Variants in LARGE1 observed in about 807,000 individuals in gnomAD.
The protein encoded by LARGE1 is LARGE xylosyl- and glucuronyltransferase 1.
In LARGE1, 43 loss-of-function variants were observed where a neutral mutation model predicts 87.6. That is an observed-to-expected ratio of 0.49 (90% CI 0.38 to 0.63). The LOEUF is 0.63. Among genes scored for constraint, LARGE1 ranks in the 30% least tolerant of loss-of-function variants. The pLI is 0.00. For missense variants in LARGE1, 802 were observed against 1,000.2 expected, an observed-to-expected ratio of 0.80 and a Z score of 2.67; for synonymous variants, 434 against 394.6, an observed-to-expected ratio of 1.10 and a Z score of -1.18.
intron 12 of LARGE1, among the ~76,000 whole-genome samples, chr22:33,294,565 C>T (rs776958548): frequency 4.6e-5 from 7 of 152,138 alleles, no homozygotes; most frequent in Admixed American, 1.3e-4. Flanking sequence ...TTAGAAAAAC[C>T]GGCCTCCCCG....
At chr22:33,334,079 C>T (rs1348780589) in intron 10 of LARGE1, among the ~76,000 whole-genome samples, 6 of 151,078 alleles carry the variant, frequency 4.0e-5, no homozygotes, top group Non-Finnish European at 8.8e-5. Flanking sequence ...GCCGAGATCG[C>T]GGCACTGCAC....
chr22:33,355,383 T>C (rs1322440152), intron 9 of LARGE1, among the ~76,000 whole-genome samples: 3 of 152,218 alleles, frequency 2.0e-5, no homozygotes. Flanking sequence ...TCACTAAGTG[T>C]CTTCAAACCC....
chr22:33,081,435 A>G, the LARGE1 span, among the ~76,000 whole-genome samples: 1 of 152,204 alleles, frequency 6.6e-6, no homozygotes, highest in African/African-American at 2.4e-5. Context: ...ATGATAAGTA[A>G]AAGACTGAGG....
At chr22:33,245,862 T>C (rs1156231051) in intron 11 of LARGE1, among the ~76,000 whole-genome samples, 1 of 152,178 alleles carries the variant, frequency 6.6e-6, no homozygotes, top group East Asian at 1.9e-4. Context: ...TGAGCTGAGA[T>C]TGCGCCACTG....
chr22:33,697,763 AT>A (rs2082296017), intron 2 of LARGE1, among the ~76,000 whole-genome samples: 1 of 152,118 alleles, frequency 6.6e-6, no homozygotes, highest in African/African-American at 2.4e-5. Context: ...AAAGTCCCAC[AT>A]TCTATTTTGA....
At chr22:33,216,597 CA>C (rs71673655) in intron 11 of LARGE1, among the ~76,000 whole-genome samples, 343 of 122,554 alleles carry the variant, frequency 2.8e-3, no homozygotes, top group South Asian at 0.013. Flanking sequence ...CACTCCATCT[CA>C]AAAAAAAAAA....
intron 5 of LARGE1, among the ~76,000 whole-genome samples, chr22:33,598,841 C>G (rs185022548): frequency 6.6e-6 from 1 of 152,260 alleles, no homozygotes; most frequent in Non-Finnish European, 1.5e-5. Flanking sequence ...CATACATGTG[C>G]ATGTGTCTTT....
chr22:33,823,756 G>A (rs1019685757), intron 1 of LARGE1, among the ~76,000 whole-genome samples: 1 of 152,140 alleles, frequency 6.6e-6, no homozygotes, highest in African/African-American at 2.4e-5. Context: ...GCCCATTTAT[G>A]GAGAGAGCTC....
intron 1 of LARGE1, chr22:33,889,064 A>C (rs1359767503): frequency 1.3e-5 from 2 of 152,162 alleles, no homozygotes; most frequent in South Asian, 2.1e-4. Context: ...TCCCCAAAAG[A>C]AAGCATATAC....
chr22:33,334,829 C>G (rs895715646), intron 10 of LARGE1, among the ~76,000 whole-genome samples: 3 of 152,200 alleles, frequency 2.0e-5, no homozygotes, highest in Non-Finnish European at 1.5e-5. Flanking sequence ...TCTCTAAGTT[C>G]AACCCCCGTG....
In LARGE1 at chr22:33,273,365, C is replaced by T. The variant is rs1345632139; in HGVS notation, c.*1062G>A. The T allele has an allele frequency of 2.5e-6, 1 of 398,760 alleles. No individual in the cohort carries two copies. Among genetic ancestry groups the T allele is most frequent in the Non-Finnish European group, 4.4e-6 (1 of 226,088 alleles). 24.7% of individuals were successfully genotyped at this position (398,760 alleles called of 1,614,324 possible). ...CAGGCAAGAACCAGAGGAACCCAAT[C>T]ACTTTCTTCCTGTAGGTCTCCAGAT... is the stretch of plus-strand genomic sequence containing the variant. On this transcript the variant is annotated 3_prime_UTR_variant, in exon 15 of 15. Coordinates refer to ENST00000397394, the MANE Select transcript of LARGE1 (RefSeq NM_133642.5).
chr22:33,902,580 G>T (rs1340645124), intron 1 of LARGE1, among the ~76,000 whole-genome samples: 1 of 152,084 alleles, frequency 6.6e-6, no homozygotes, highest in Non-Finnish European at 1.5e-5. Context: ...CCTATTAAAG[G>T]GAAAGCAGTA....
At chr22:33,718,986 A>C (rs2082995737) in intron 2 of LARGE1, among the ~76,000 whole-genome samples, 1 of 152,038 alleles carries the variant, frequency 6.6e-6, no homozygotes, top group Admixed American at 6.6e-5. Flanking sequence ...ACGGAGTTTC[A>C]CCATGTTGGC....
Position 33,730,322 on chromosome 22 carries a change from G to C in LARGE1, c.106+31049C>G, listed in dbSNP as rs239325. On this transcript the variant is annotated intron_variant, in intron 2 of 14. Coordinates refer to ENST00000397394, the MANE Select transcript of LARGE1 (RefSeq NM_133642.5). ...TATATAACATACATACAAACTACAT[G>C]TGAATCAACTGTTACTGTTAAAGCT... 9.7e-3 allele frequency among the ~76,000 whole-genome samples: 1,471 copies of C among 152,220 alleles called. 20 individuals carry two copies. The highest frequency in any genetic ancestry group is 0.034 in the African/African-American group (1,415 of 41,526).
At chr22:33,694,238 A>G (rs577774814) in intron 2 of LARGE1, among the ~76,000 whole-genome samples, 2 of 152,356 alleles carry the variant, frequency 1.3e-5, no homozygotes, top group Non-Finnish European at 2.9e-5. Context: ...CAGAAGGAAA[A>G]TCTAGAGAGG....
chr22:33,483,139 G>A (rs938274505), intron 6 of LARGE1, among the ~76,000 whole-genome samples: 1 of 152,126 alleles, frequency 6.6e-6, no homozygotes, highest in Non-Finnish European at 1.5e-5. Flanking sequence ...CTTTTCAAAA[G>A]TCTTGGCTGG....
the LARGE1 span, among the ~76,000 whole-genome samples, chr22:33,082,944 G>C: frequency 2.0e-5 from 3 of 152,156 alleles, no homozygotes; most frequent in African/African-American, 7.2e-5. Flanking sequence ...AGAATGGTGT[G>C]AACCCGGGAG....
At chr22:33,120,906 G>A in the LARGE1 span, among the ~76,000 whole-genome samples, 1 of 152,044 alleles carries the variant, frequency 6.6e-6, no homozygotes, top group Non-Finnish European at 1.5e-5. Flanking sequence ...TCATCTTTGA[G>A]GTCAGACCTG....
intron 6 of LARGE1, among the ~76,000 whole-genome samples, chr22:33,472,314 G>A (rs533365324): frequency 3.9e-5 from 6 of 152,306 alleles, no homozygotes; most frequent in East Asian, 1.9e-4. Flanking sequence ...ACTGATGAAG[G>A]AGACAAAGAG....
Sources: allele counts gnomAD v4.1 joint callset (sites outside exome capture counted in the v4.1 genomes callset), GRCh38; gene constraint gnomAD v4.1.1; transcripts MANE v1.5; gene names NCBI Gene and HGNC (gene_info 2026-07-23, HGNC 2026-07-21).